NLGN4X: variants seen among roughly 807,000 people sequenced by gnomAD.
The protein encoded by NLGN4X is neuroligin-4, X-linked.
A neutral mutation model predicts 40.3 loss-of-function variants in NLGN4X; 3 were observed. That is an observed-to-expected ratio of 0.07 (90% CI 0.03 to 0.19). NLGN4X has a LOEUF of 0.19. Among genes scored for constraint, NLGN4X ranks in the 10% least tolerant of loss-of-function variants. The pLI, the probability that NLGN4X is intolerant of heterozygous loss-of-function variation, is 1.00. For synonymous variants in NLGN4X, 270 were observed against 306.8 expected (o/e 0.88, Z 1.25); for missense variants, 382 against 708.3 (o/e 0.54, Z 5.23).
chrX:5,994,239 GGGTGAGGATAAAGAA>G (rs1364509615), intron 3 of NLGN4X, among the ~76,000 whole-genome samples: 1 of 112,068 alleles, frequency 8.9e-6, no homozygotes, highest in East Asian at 2.8e-4. Flanking sequence ...AGTCAGCCAA[GGGTGAGGATAAAGAA>G]GGCTACCGAT....
chrX:6,190,547 T>C (rs760724232), intron 1 of NLGN4X, among the ~76,000 whole-genome samples: 1 of 112,387 alleles, frequency 8.9e-6, no homozygotes, highest in African/African-American at 3.2e-5. Context: ...AATTTGAGTT[T>C]GTGGGGAAGG....
chrX:6,021,009 T>C (rs2036519351), intron 3 of NLGN4X, among the ~76,000 whole-genome samples: 1 of 11,340 alleles, frequency 8.8e-5, no homozygotes, highest in Non-Finnish European at 1.6e-4. Context: ...CTTTTCTCTC[T>C]CTCTCTCTCT....
chrX:6,153,250 A>G (rs991779301), intron 1 of NLGN4X, among the ~76,000 whole-genome samples: 1 of 111,469 alleles, frequency 9.0e-6, no homozygotes, highest in African/African-American at 3.3e-5. Flanking sequence ...GATCTATCAC[A>G]GAACAATAAT....
intron 1 of NLGN4X, among the ~76,000 whole-genome samples, chrX:6,218,077 A>G (rs1426642167): frequency 9.0e-6 from 1 of 111,526 alleles, no homozygotes; most frequent in Non-Finnish European, 1.9e-5. Flanking sequence ...CACAGCATAC[A>G]GTTGGCATGT....
intron 3 of NLGN4X, among the ~76,000 whole-genome samples, chrX:6,027,528 T>C (rs1458472503): frequency 9.0e-6 from 1 of 111,395 alleles, no homozygotes; most frequent in African/African-American, 3.3e-5. Flanking sequence ...TAGCAACACC[T>C]GTGACTGATT....
chrX:6,019,682 T>C (rs1261228730), intron 3 of NLGN4X, among the ~76,000 whole-genome samples: 1 of 111,335 alleles, frequency 9.0e-6, no homozygotes, highest in Non-Finnish European at 1.9e-5. Flanking sequence ...TATGTCCTTC[T>C]GTCCCCAAGG....
chrX:6,227,504 C>G (rs910983940), intron 1 of NLGN4X, among the ~76,000 whole-genome samples: 3 of 109,174 alleles, frequency 2.7e-5, no homozygotes, highest in African/African-American at 1.0e-4. Flanking sequence ...GCGGCAGCTG[C>G]AAGCCCCCCC....
At chrX:6,191,541 C>A (rs1032410854) in intron 1 of NLGN4X, among the ~76,000 whole-genome samples, 3 of 111,501 alleles carry the variant, frequency 2.7e-5, no homozygotes, top group Admixed American at 9.5e-5. Flanking sequence ...ATGGTGAAAC[C>A]CTGCCTCTAC....
intron 1 of NLGN4X, among the ~76,000 whole-genome samples, chrX:6,162,350 G>A (rs2040417814): frequency 1.8e-5 from 2 of 111,791 alleles, no homozygotes; most frequent in Non-Finnish European, 3.8e-5. Flanking sequence ...TGTCTCTGAG[G>A]GTGTTGCCAA....
intron 2 of NLGN4X, among the ~76,000 whole-genome samples, chrX:6,102,643 TATACATAC>T (rs60184331): frequency 1.3e-4 from 14 of 104,395 alleles, no homozygotes; most frequent in Non-Finnish European, 1.9e-4. Context: ...TTGATAGATA[TATACATAC>T]ATACATACAT....
At chrX:5,938,933 C>G (rs1473174584) in intron 3 of NLGN4X, among the ~76,000 whole-genome samples, 2 of 108,047 alleles carry the variant, frequency 1.9e-5, no homozygotes, top group African/African-American at 6.9e-5. Flanking sequence ...ATCTGAGCTA[C>G]AGAGATTATG....
Position 5,898,415 on chromosome X carries a change from C to A in NLGN4X, c.1601+4662G>T, listed in dbSNP as rs1569114350. Among the ~76,000 whole-genome samples the A allele has an allele frequency of 2.8e-5, 3 of 107,990 alleles. No homozygotes were observed. In the East Asian group the frequency reaches 9.0e-4, roughly 32 times the overall value. 93.8% of individuals were successfully genotyped at this position (107,990 alleles called of 115,157 possible). On this transcript the variant is annotated intron_variant, in intron 5 of 5. Transcript: ENST00000381095. ...CCATGCACATCCCAACATCATTTTT[C>A]TGTGCTCATCCCAAAACCAAAGGTT...
chrX:6,115,327 G>T (rs1375987891), intron 2 of NLGN4X, among the ~76,000 whole-genome samples: 3 of 111,936 alleles, frequency 2.7e-5, no homozygotes, highest in Non-Finnish European at 5.6e-5. Flanking sequence ...TGTGCCTTGG[G>T]AATATAGGAT....
intron 3 of NLGN4X, among the ~76,000 whole-genome samples, chrX:5,998,850 A>G (rs188754849): frequency 8.9e-6 from 1 of 112,851 alleles, no homozygotes; most frequent in Non-Finnish European, 1.9e-5. Flanking sequence ...CTTTTGTCCA[A>G]AACAGGACTT....
At chrX:5,916,735 C>G (rs1330667999) in intron 3 of NLGN4X, among the ~76,000 whole-genome samples, 1 of 112,217 alleles carries the variant, frequency 8.9e-6, no homozygotes, top group African/African-American at 3.2e-5. Flanking sequence ...AGGCATGAAC[C>G]ACTGCGTCCA....
chrX:5,913,629 G>C (rs2032623796), intron 3 of NLGN4X, among the ~76,000 whole-genome samples: 1 of 112,250 alleles, frequency 8.9e-6, no homozygotes, highest in South Asian at 3.7e-4. Flanking sequence ...AAGAGACCAT[G>C]TGAATGAATC....
chrX:6,051,497 A>T (rs186313810), intron 2 of NLGN4X, among the ~76,000 whole-genome samples: 142 of 111,168 alleles, frequency 1.3e-3, no homozygotes, highest in African/African-American at 4.3e-3. Flanking sequence ...GGAGAGAAGA[A>T]GGCCTTGTAA....
intron 2 of NLGN4X, among the ~76,000 whole-genome samples, chrX:6,050,043 G>A (rs2037441177): frequency 9.0e-6 from 1 of 111,722 alleles, no homozygotes; most frequent in Admixed American, 9.5e-5. Flanking sequence ...TGGGAAAGGT[G>A]GCAGAGAATC....
chrX:6,091,178 A>ATATGTGC (rs1198808977), intron 2 of NLGN4X, among the ~76,000 whole-genome samples: 2 of 110,962 alleles, frequency 1.8e-5, no homozygotes. Context: ...TGATGGTCTG[A>ATATGTGC]TATGTGCTAT....
Sources: gnomAD v4.1 joint callset for allele counts (sites outside exome capture counted in the v4.1 genomes callset) on GRCh38, gnomAD v4.1.1 for gene constraint, MANE v1.5 for transcripts, NCBI Gene and HGNC (gene_info 2026-07-23, HGNC 2026-07-21) for gene names.